ADAMTSL3: variants seen among roughly 807,000 people sequenced by gnomAD.
ADAMTSL3 encodes the protein ADAMTS like 3.
A neutral mutation model predicts 201.7 loss-of-function variants in ADAMTSL3; 128 were observed. The ratio of observed to expected loss-of-function variants is 0.63; its 90% CI spans 0.55 to 0.73. The LOEUF (loss-of-function observed/expected upper bound fraction) is 0.73. ADAMTSL3 is among the 30% of genes least tolerant of loss of function. The pLI is 0.00. For missense variants in ADAMTSL3, 1,990 were observed against 2,119.6 expected (o/e 0.94, Z 1.20); for synonymous variants, 738 against 748.4 (o/e 0.99, Z 0.23).
chr15:83,738,564 A>C (rs184278219), intron 3 of ADAMTSL3, among the ~76,000 whole-genome samples: 48 of 152,268 alleles, frequency 3.2e-4, no homozygotes, highest in African/African-American at 1.2e-3. Context: ...TTTAATTATA[A>C]AGTTGTTAAA....
chr15:83,831,822 A>G (rs1172328588), intron 6 of ADAMTSL3, among the ~76,000 whole-genome samples: 2 of 152,198 alleles, frequency 1.3e-5, no homozygotes, highest in African/African-American at 4.8e-5. Flanking sequence ...GGTGGGCAAG[A>G]CAGAGGGAAA....
chr15:83,819,661 CAA>C (rs11301352), intron 5 of ADAMTSL3, 148 bp from the exon 6 acceptor site: 83,186 of 501,936 alleles, frequency 0.17, 1 homozygote, highest in East Asian at 0.24. Context: ...AACGTTGAAT[CAA>C]AAAAAAAAAA....
intron 26 of ADAMTSL3, among the ~76,000 whole-genome samples, chr15:84,023,157 T>G (rs2068236242): frequency 6.6e-6 from 1 of 152,232 alleles, no homozygotes; most frequent in African/African-American, 2.4e-5. Context: ...CAATGTCTGC[T>G]GCATCATATA....
chr15:84,028,733 T>C lies in ADAMTSL3; in HGVS notation c.4657-2602T>C, dbSNP rs549356997. ...AGGAGGGTGATATGGTTAGGCTTTG[T>C]GTCCCCACCCAGATCTCATCTTGAA... On this transcript the variant is annotated intron_variant, in intron 27 of 29. Coordinates refer to ENST00000286744, the MANE Select transcript of ADAMTSL3 (RefSeq NM_207517.3). 1.9e-3 allele frequency among the ~76,000 whole-genome samples: 297 copies of C among 152,326 alleles called. 1 individual carries two copies. The highest frequency in any genetic ancestry group is 7.0e-3 in the African/African-American group (289 of 41,574).
At chr15:83,663,386 A>G (rs773113290) in intron 2 of ADAMTSL3, among the ~76,000 whole-genome samples, 5 of 152,226 alleles carry the variant, frequency 3.3e-5, no homozygotes, top group Admixed American at 6.5e-5. Flanking sequence ...CCATAATGGC[A>G]TAAGTGGCAT....
chr15:83,908,450 C>G (rs11259929), intron 15 of ADAMTSL3, among the ~76,000 whole-genome samples: 95,440 of 152,132 alleles, frequency 0.63, 31,035 homozygotes, highest in African/African-American at 0.79. Context: ...GACATCATTA[C>G]ATTTAATTCT....
chr15:83,941,813 G>A (rs537631338), intron 17 of ADAMTSL3, among the ~76,000 whole-genome samples: 28 of 152,270 alleles, frequency 1.8e-4, no homozygotes, highest in African/African-American at 6.3e-4. Flanking sequence ...GTTTCCTCAT[G>A]ATGTATCTCT....
chr15:83,801,651 A>ATATATATATATATATATAT (rs2063518564), intron 4 of ADAMTSL3, among the ~76,000 whole-genome samples: 1 of 31,288 alleles, frequency 3.2e-5, no homozygotes, highest in Non-Finnish European at 6.7e-5. Flanking sequence ...TATAAATATA[A>ATATATATATATATATATAT]ATATATATAT....
intron 8 of ADAMTSL3, among the ~76,000 whole-genome samples, chr15:83,870,515 G>A (rs2065060846): frequency 6.6e-6 from 1 of 152,170 alleles, no homozygotes; most frequent in African/African-American, 2.4e-5. Flanking sequence ...GCTAAATCAT[G>A]AAAACATATA....
At chr15:83,940,181 T>C (rs948624646) in intron 17 of ADAMTSL3, among the ~76,000 whole-genome samples, 2 of 152,222 alleles carry the variant, frequency 1.3e-5, no homozygotes, top group African/African-American at 4.8e-5. Flanking sequence ...CTATTTACTT[T>C]CCCTTGTGAT....
intron 5 of ADAMTSL3, among the ~76,000 whole-genome samples, chr15:83,805,797 A>G (rs772360961): frequency 2.0e-5 from 3 of 152,328 alleles, no homozygotes; most frequent in Admixed American, 6.5e-5. Flanking sequence ...TGTGGCACAC[A>G]GTAACTCAAG....
At chr15:83,798,863 T>G (rs1596230317) in intron 4 of ADAMTSL3, among the ~76,000 whole-genome samples, 1 of 146,360 alleles carries the variant, frequency 6.8e-6, no homozygotes, top group African/African-American at 2.5e-5. Flanking sequence ...TTGGCTATAA[T>G]GAAATTAGAT....
intron 17 of ADAMTSL3, among the ~76,000 whole-genome samples, chr15:83,931,890 T>C (rs757437031): frequency 2.0e-5 from 3 of 152,154 alleles, no homozygotes; most frequent in Non-Finnish European, 2.9e-5. Flanking sequence ...TTAAGAAATA[T>C]GGAAGTAACG....
At chr15:83,820,259 G>T (rs529988735) in intron 6 of ADAMTSL3, among the ~76,000 whole-genome samples, 5 of 152,078 alleles carry the variant, frequency 3.3e-5, no homozygotes, top group Non-Finnish European at 5.9e-5. Flanking sequence ...TGTATTTTTA[G>T]TATAGATGAG....
intron 23 of ADAMTSL3, among the ~76,000 whole-genome samples, chr15:84,013,779 G>GAAGCCTCCATCT (rs1482675136): frequency 6.6e-6 from 1 of 151,720 alleles, no homozygotes; most frequent in African/African-American, 2.4e-5. Flanking sequence ...AAAAGAAAAA[G>GAAGCCTCCATCT]CAAAGAAGAA....
chr15:83,941,530 C>G (rs921390605), intron 17 of ADAMTSL3, among the ~76,000 whole-genome samples: 2 of 152,044 alleles, frequency 1.3e-5, no homozygotes, highest in African/African-American at 4.8e-5. Context: ...GGATTATACT[C>G]TACAAATTAT....
At chr15:83,913,450 T>G in intron 16 of ADAMTSL3, 72 bp downstream of exon 16, 1 of 1,486,936 alleles carries the variant, frequency 6.7e-7, no homozygotes, top group Non-Finnish European at 9.1e-7. Flanking sequence ...CTCAATCAGG[T>G]AAGCCAAATA....
intron 23 of ADAMTSL3, among the ~76,000 whole-genome samples, chr15:84,000,102 C>A (rs2067766312): frequency 6.6e-6 from 1 of 151,612 alleles, no homozygotes; most frequent in Non-Finnish European, 1.5e-5. Flanking sequence ...TGTATTTACC[C>A]ACCAGTTTTT....
chr15:84,013,202 G>C (rs908938771), intron 23 of ADAMTSL3, among the ~76,000 whole-genome samples: 1 of 152,112 alleles, frequency 6.6e-6, no homozygotes, highest in African/African-American at 2.4e-5. Context: ...GACAGAACTG[G>C]ACCTGAAGTC....
Sources: gnomAD v4.1 joint callset for allele counts (sites outside exome capture counted in the v4.1 genomes callset) on GRCh38, gnomAD v4.1.1 for gene constraint, MANE v1.5 for transcripts, NCBI Gene and HGNC (gene_info 2026-07-23, HGNC 2026-07-21) for gene names.